Variants in LRRC49 observed in about 807,000 individuals in gnomAD.
LRRC49 encodes the protein leucine-rich repeat-containing protein 49.
A neutral mutation model predicts 83.3 loss-of-function variants in LRRC49; 50 were observed. The observed-to-expected ratio is 0.60, with a 90% CI of 0.48 to 0.76. LRRC49 has a LOEUF of 0.76. Ranked by LOEUF, LRRC49 falls within the 30% of genes least tolerant of loss-of-function variation. The pLI, the probability that LRRC49 is intolerant of heterozygous loss-of-function variation, is 0.00. For missense variants in LRRC49, 704 were observed against 809.1 expected (o/e 0.87, Z 1.58); for synonymous variants, 286 against 283.3 (o/e 1.01, Z -0.10).
chr15:70,894,991 A>G (rs2033769553), intron 2 of LRRC49, among the ~76,000 whole-genome samples: 2 of 152,214 alleles, frequency 1.3e-5, no homozygotes, highest in African/African-American at 2.4e-5. Flanking sequence ...TTCCACCATT[A>G]TAATGTTTCT....
intron 8 of LRRC49, among the ~76,000 whole-genome samples, chr15:70,937,795 TTC>T (rs1427514827): frequency 1.3e-5 from 2 of 152,174 alleles, no homozygotes; most frequent in Non-Finnish European, 2.9e-5. Flanking sequence ...AAAATACTCT[TTC>T]TCTTTTTTCT....
chr15:70,993,254 G>C (rs911359036), intron 11 of LRRC49, among the ~76,000 whole-genome samples: 12 of 152,200 alleles, frequency 7.9e-5, no homozygotes, highest in African/African-American at 2.7e-4. Flanking sequence ...GGGTGGGAGT[G>C]ACCTGATTTT....
chr15:70,930,383 A>G (rs559756727), intron 7 of LRRC49, among the ~76,000 whole-genome samples: 9 of 152,006 alleles, frequency 5.9e-5, no homozygotes, highest in Non-Finnish European at 1.3e-4. Context: ...TCAGTAAACC[A>G]TGCTGCAGAC....
intron 9 of LRRC49, among the ~76,000 whole-genome samples, chr15:70,975,621 A>C (rs981879379): frequency 3.3e-5 from 5 of 152,126 alleles, no homozygotes; most frequent in Non-Finnish European, 7.4e-5. Flanking sequence ...TGAACCCAGG[A>C]GGTCAAAGCT....
At chr15:70,917,866 G>A (rs527829086) in intron 6 of LRRC49, among the ~76,000 whole-genome samples, 1 of 152,284 alleles carries the variant, frequency 6.6e-6, no homozygotes, top group South Asian at 2.1e-4. Context: ...GAATGGCAAG[G>A]CTAAAAGAGC....
intron 14 of LRRC49, among the ~76,000 whole-genome samples, chr15:71,035,839 T>A (rs192913332): frequency 1.1e-4 from 17 of 152,326 alleles, no homozygotes; most frequent in Admixed American, 9.8e-4. Context: ...ATGACTTATA[T>A]TCTTTTGGGT....
At chr15:70,990,607 C>T (rs1196334359) in intron 11 of LRRC49, among the ~76,000 whole-genome samples, 2 of 152,192 alleles carry the variant, frequency 1.3e-5, no homozygotes, top group Non-Finnish European at 1.5e-5. Context: ...AATGCCTCAC[C>T]CTGCTTCGGC....
intron 1 of LRRC49, among the ~76,000 whole-genome samples, chr15:70,862,351 G>A (rs984064316): frequency 6.6e-6 from 1 of 152,072 alleles, no homozygotes; most frequent in African/African-American, 2.4e-5. Context: ...GGCCGAGGCG[G>A]GCGTATCACA....
chr15:70,857,060 A>G (rs2032671408), intron 1 of LRRC49, among the ~76,000 whole-genome samples: 1 of 152,178 alleles, frequency 6.6e-6, no homozygotes, highest in African/African-American at 2.4e-5. Flanking sequence ...TGGAGTTGGC[A>G]TCTTTCCCTT....
At chr15:71,039,639 T>A (rs2039636940) in intron 15 of LRRC49, among the ~76,000 whole-genome samples, 1 of 152,228 alleles carries the variant, frequency 6.6e-6, no homozygotes, top group African/African-American at 2.4e-5. Context: ...TAGGGAATAA[T>A]GACAAGAAAA....
At chr15:70,860,874 T>C (rs1045648702) in intron 1 of LRRC49, among the ~76,000 whole-genome samples, 3 of 152,246 alleles carry the variant, frequency 2.0e-5, no homozygotes, top group African/African-American at 4.8e-5. Context: ...GGTATAATCA[T>C]GTAACTAAAT....
upstream of LRRC49, among the ~76,000 whole-genome samples, chr15:70,889,180 C>T (rs1056154663): frequency 1.3e-5 from 2 of 152,004 alleles, no homozygotes; most frequent in South Asian, 2.1e-4. Context: ...TGGGTAAAAA[C>T]CCAAATGTTC....
chr15:70,864,774 G>T lies in LRRC49; in HGVS notation c.-298-8134G>T, dbSNP rs116063310. Among the ~76,000 whole-genome samples the T allele has an allele frequency of 6.7e-3, 1,021 of 152,266 alleles. 22 individuals carry two copies. The highest frequency in any genetic ancestry group is 0.024 in the African/African-American group (993 of 41,534). ...GATGTGGAGAAAATGTAACTCTTTG[G>T]GGTGATGGAAATGGAATCTCAGTTT... On this transcript the variant is annotated intron_variant, in intron 1 of 16. Transcript: ENST00000544974.
intron 1 of LRRC49, chr15:70,858,712 C>G (rs1414776194): frequency 3.2e-6 from 3 of 930,074 alleles, no homozygotes; most frequent in African/African-American, 3.3e-5. Flanking sequence ...CTGCCTCCAC[C>G]ATGTCCATCA....
At position 70,948,012 on chromosome 15, in the gene LRRC49, C is replaced by T. The variant is rs1264471401; in HGVS notation, c.773+11190C>T. ...ATAATAACAATAGTTGTCCAATAAA[C>T]TTATTTCCTCTTTCATGCCTTTGCT... On this transcript the variant is annotated intron_variant, in intron 8 of 15. Transcript: ENST00000260382. Among the ~76,000 whole-genome samples the T allele has an allele frequency of 2.6e-5, 4 of 152,118 alleles. No homozygotes were observed. The East Asian group carries it at 7.7e-4, about 29-fold the overall frequency.
At chr15:71,028,698 T>C (rs2039252499) in intron 14 of LRRC49, among the ~76,000 whole-genome samples, 2 of 152,228 alleles carry the variant, frequency 1.3e-5, no homozygotes, top group African/African-American at 4.8e-5. Flanking sequence ...CAGGAATTTA[T>C]CAGTTTCTTC....
At chr15:70,975,741 C>T (rs901835837) in intron 9 of LRRC49, among the ~76,000 whole-genome samples, 2 of 151,922 alleles carry the variant, frequency 1.3e-5, no homozygotes, top group Non-Finnish European at 2.9e-5. Flanking sequence ...CTAAAGTTTT[C>T]ACCTCAAGCT....
chr15:70,952,493 A>G (rs1389846016), intron 8 of LRRC49, among the ~76,000 whole-genome samples: 1 of 152,022 alleles, frequency 6.6e-6, no homozygotes, highest in African/African-American at 2.4e-5. Context: ...CTGTTGTCCA[A>G]GTGTGTGGTT....
rs2036699540 is a variant in LRRC49 at position 70,963,892 on chromosome 15, A to G, written c.881A>G (p.Asn294Ser). Residue 294 changes from asparagine to serine, a missense_variant, in exon 9 of 16, where the codon AAT becomes AGT. By Grantham distance (46) the Asn-to-Ser change is conservative. Coordinates refer to ENST00000260382, the MANE Select transcript of LRRC49 (RefSeq NM_017691.5). The part of the protein sequence containing the change: ...ESWYKHTVLQ[N>S]MMQLRQLDMK... The stretch of plus-strand genomic sequence containing the variant: ...TGGTACAAACACACTGTCCTTCAGA[A>G]TATGATGCAGCTGCGCCAGCTAGAT... 7 of 1,613,536 alleles carry G rather than the reference A, an allele frequency of 4.3e-6. No individual in the cohort carries two copies. Among genetic ancestry groups the G allele is most frequent in the African/African-American group, 1.3e-5 (1 of 75,014 alleles).
Sources: gnomAD v4.1 joint callset for allele counts (sites outside exome capture counted in the v4.1 genomes callset) on GRCh38, gnomAD v4.1.1 for gene constraint, MANE v1.5 for transcripts, NCBI Gene and HGNC (gene_info 2026-07-23, HGNC 2026-07-21) for gene names.